The following CFAP61 variants were observed in gnomAD, a reference collection of about 807,000 sequenced individuals.
The protein encoded by CFAP61 is cilia- and flagella-associated protein 61.
In CFAP61, 107 loss-of-function variants were observed where a neutral mutation model predicts 135.6. The observed-to-expected ratio is 0.79, with a 90% CI of 0.67 to 0.93. CFAP61 has a LOEUF of 0.93. Ranked by LOEUF, CFAP61 falls within the 40% of genes least tolerant of loss-of-function variation. The pLI is 0.00. For synonymous variants in CFAP61, 575 were observed against 578.5 expected (o/e 0.99, Z 0.09); for missense variants, 1,507 against 1,556.2 (o/e 0.97, Z 0.53).
intron 13 of CFAP61, among the ~76,000 whole-genome samples, chr20:20,171,541 C>T (rs920766654): frequency 9.2e-5 from 14 of 152,124 alleles, no homozygotes; most frequent in African/African-American, 2.4e-4. Flanking sequence ...ACCATGACTT[C>T]ATAGCCAGTA....
intron 20 of CFAP61, among the ~76,000 whole-genome samples, chr20:20,261,380 T>C (rs2052188555): frequency 6.6e-6 from 1 of 152,198 alleles, no homozygotes; most frequent in Non-Finnish European, 1.5e-5. Flanking sequence ...CCCTCTTGAC[T>C]GCAAGTAAAC....
chr20:20,160,389 T>C (rs1162022837), intron 10 of CFAP61, among the ~76,000 whole-genome samples: 1 of 152,196 alleles, frequency 6.6e-6, no homozygotes, highest in African/African-American at 2.4e-5. Flanking sequence ...TTCTCCAACC[T>C]GTCTCCTCTC....
chr20:20,052,693 G>A lies in CFAP61; in HGVS notation c.-37+102G>A, dbSNP rs868425837. On this transcript the variant is annotated intron_variant, in intron 1 of 26. Coordinates refer to ENST00000245957, the MANE Select transcript of CFAP61 (RefSeq NM_015585.4). ...CTCCGGAACTGGGATGACCAGGCGAGGACGAGTGGCTCTGTCGAGCCGTGG... is the reference window on the plus strand; with the variant it reads ...CTCCGGAACTGGGATGACCAGGCGAAGACGAGTGGCTCTGTCGAGCCGTGG... 1.9e-5 allele frequency: 31 copies of A among 1,612,668 alleles called. 1 individual carries two copies. The Middle Eastern group carries it at 5.0e-3, about 258-fold the overall frequency.
chr20:20,108,190 T>C (rs547751035), intron 8 of CFAP61, among the ~76,000 whole-genome samples: 2 of 152,324 alleles, frequency 1.3e-5, no homozygotes, highest in African/African-American at 4.8e-5. Context: ...TTTCTGATGC[T>C]CTGAAGGTTG....
In CFAP61 at chr20:20,251,672, G is replaced by T; in HGVS notation, c.2237G>T (p.Gly746Val). 6.2e-7 allele frequency: 1 copy of T among 1,614,206 alleles called. No homozygotes were observed. The highest frequency in any genetic ancestry group is 1.6e-4 in the Middle Eastern group (1 of 6,062). The stretch of plus-strand genomic sequence containing the variant: ...AATGTCGTGGTGGGTAGAATGACCG[G>T]CATAGACCGAGCAGCCAAGCACGTT... ...WVNVVVGRMTGIDRAAKHVVL... is the reference protein window; with the variant it reads ...WVNVVVGRMTVIDRAAKHVVL... Residue 746 changes from glycine to valine, a missense_variant, in exon 20 of 27, where the codon GGC (glycine) becomes GTC (valine). Physicochemically the swap from Gly to Val is moderately radical, Grantham distance 109 (BLOSUM62 -3). Transcript: ENST00000245957.
chr20:20,189,162 G>A (rs912654736), intron 14 of CFAP61, among the ~76,000 whole-genome samples: 10 of 152,096 alleles, frequency 6.6e-5, no homozygotes, highest in African/African-American at 2.4e-4. Context: ...GGAGGGAGAC[G>A]CCAAACACCT....
intron 6 of CFAP61, among the ~76,000 whole-genome samples, chr20:20,090,006 G>C (rs962091031): frequency 1.3e-5 from 2 of 152,240 alleles, no homozygotes; most frequent in Non-Finnish European, 2.9e-5. Context: ...CTATGAAACA[G>C]GAAGGGACTT....
intron 8 of CFAP61, among the ~76,000 whole-genome samples, chr20:20,109,139 C>G (rs1232232748): frequency 6.6e-6 from 1 of 152,162 alleles, no homozygotes; most frequent in South Asian, 2.1e-4. Flanking sequence ...ACTCTGGGCT[C>G]TCAGTCCATC....
intron 8 of CFAP61, among the ~76,000 whole-genome samples, chr20:20,110,700 T>C (rs900610724): frequency 6.6e-6 from 1 of 152,174 alleles, no homozygotes; most frequent in African/African-American, 2.4e-5. Flanking sequence ...CATGGCTGTT[T>C]CCTGGAGCGC....
intron 25 of CFAP61, among the ~76,000 whole-genome samples, chr20:20,312,395 G>A (rs1487550234): frequency 3.9e-5 from 6 of 152,176 alleles, no homozygotes; most frequent in Admixed American, 6.5e-5. Flanking sequence ...GGGCTTAGTT[G>A]CAGATTAGAC....
intron 25 of CFAP61, among the ~76,000 whole-genome samples, chr20:20,320,959 G>T (rs1019851267): frequency 8.6e-5 from 13 of 151,380 alleles, no homozygotes; most frequent in African/African-American, 3.2e-4. Context: ...ATTTTGAAGG[G>T]TGCTTTACAG....
At chr20:20,240,581 T>G (rs893305254) in intron 18 of CFAP61, among the ~76,000 whole-genome samples, 6 of 152,052 alleles carry the variant, frequency 3.9e-5, no homozygotes, top group Non-Finnish European at 7.4e-5. Flanking sequence ...CATCTTTTTT[T>G]TTTTTGCCTG....
intron 13 of CFAP61, among the ~76,000 whole-genome samples, chr20:20,181,174 C>CACATATGTATATATACATATATAT (rs2055041754): frequency 1.7e-5 from 1 of 58,398 alleles, no homozygotes; most frequent in Non-Finnish European, 3.9e-5. Context: ...TATATATATA[C>CACATATGTATATATACATATATAT]ACATATATAT....
chr20:20,305,114 G>A (rs930152693), intron 25 of CFAP61, among the ~76,000 whole-genome samples: 3 of 150,772 alleles, frequency 2.0e-5, no homozygotes, highest in Non-Finnish European at 3.0e-5. Context: ...TCGCGCCCGC[G>A]CCACCACCGC....
chr20:20,084,225 C>A (rs1487562972), intron 6 of CFAP61, among the ~76,000 whole-genome samples: 2 of 152,154 alleles, frequency 1.3e-5, no homozygotes, highest in Non-Finnish European at 2.9e-5. Flanking sequence ...TTAAAATACA[C>A]ACACACACAG....
At chr20:20,222,731 T>A (rs562888819) in intron 17 of CFAP61, among the ~76,000 whole-genome samples, 1 of 152,342 alleles carries the variant, frequency 6.6e-6, no homozygotes, top group South Asian at 2.1e-4. Flanking sequence ...TCCAACTGAT[T>A]GGTTCTATTT....
intron 6 of CFAP61, among the ~76,000 whole-genome samples, chr20:20,081,922 G>A (rs766532228): frequency 6.6e-6 from 1 of 152,206 alleles, no homozygotes; most frequent in Non-Finnish European, 1.5e-5. Context: ...TGTGGAAATG[G>A]TGACAGTATG....
chr20:20,076,647 T>C (rs912373178), intron 6 of CFAP61, among the ~76,000 whole-genome samples: 1 of 152,178 alleles, frequency 6.6e-6, no homozygotes, highest in Non-Finnish European at 1.5e-5. Flanking sequence ...ATAAATTGTA[T>C]CTTTTGGGAT....
intron 14 of CFAP61, among the ~76,000 whole-genome samples, chr20:20,188,960 C>T (rs2055710998): frequency 6.6e-6 from 1 of 152,160 alleles, no homozygotes; most frequent in African/African-American, 2.4e-5. Context: ...TGGAATCACA[C>T]CGTTTGTTTT....
Sources: gnomAD v4.1 joint callset for allele counts (sites outside exome capture counted in the v4.1 genomes callset) on GRCh38, gnomAD v4.1.1 for gene constraint, MANE v1.5 for transcripts, NCBI Gene and HGNC (gene_info 2026-07-23, HGNC 2026-07-21) for gene names.